GPR155: variants seen among roughly 807,000 people sequenced by gnomAD.
GPR155 encodes the protein lysosomal cholesterol signaling protein.
GPR155 carries 65 observed loss-of-function variants against 93.1 expected under a neutral mutation model. The observed-to-expected ratio is 0.70, with a 90% CI of 0.57 to 0.86. The LOEUF is 0.86. GPR155 is among the 40% of genes least tolerant of loss of function. The pLI is 0.00. For missense variants in GPR155, 838 were observed against 1,034.8 expected (o/e 0.81, Z 2.61); for synonymous variants, 319 against 360.1 (o/e 0.89, Z 1.29).
At chr2:174,459,137 T>C (rs1027529704) in intron 10 of GPR155, among the ~76,000 whole-genome samples, 7 of 152,072 alleles carry the variant, frequency 4.6e-5, no homozygotes, top group African/African-American at 1.7e-4. Context: ...TGGTGGACCA[T>C]ACAAAAACAG....
At chr2:174,437,466 T>C (rs1018410559) in intron 15 of GPR155, among the ~76,000 whole-genome samples, 13 of 152,168 alleles carry the variant, frequency 8.5e-5, no homozygotes, top group Non-Finnish European at 1.9e-4. Flanking sequence ...AGATAAGTTA[T>C]CTTAATTTAT....
chr2:174,462,404 G>A (rs578206324), intron 7 of GPR155, among the ~76,000 whole-genome samples: 33 of 152,138 alleles, frequency 2.2e-4, no homozygotes, highest in East Asian at 9.6e-4. Flanking sequence ...TCTGCCTCCC[G>A]GGTTCAAGCA....
Position 174,462,511 on chromosome 2 carries a change from G to A in GPR155, c.1385-839C>T, listed in dbSNP as rs1687728077. Among the ~76,000 whole-genome samples the A allele has an allele frequency of 2.0e-5, 3 of 152,280 alleles. No individual in the cohort carries two copies. The South Asian group carries it at 6.2e-4, about 32-fold the overall frequency. On this transcript the variant is annotated intron_variant, in intron 7 of 15. Transcript: ENST00000392552. The stretch of plus-strand genomic sequence containing the variant: ...TTTTAGTAGAGATGGGTTTCACCAT[G>A]TTGCCCATGCTGGTCTTGAACTGCT...
chr2:174,483,743 G>A (rs1349841768), intron 1 of GPR155, among the ~76,000 whole-genome samples: 1 of 151,950 alleles, frequency 6.6e-6, no homozygotes, highest in Non-Finnish European at 1.5e-5. Context: ...GCACCACCAT[G>A]CCTGGCTAAT....
chr2:174,470,108 C>T (rs1687949072), intron 4 of GPR155, among the ~76,000 whole-genome samples: 1 of 152,108 alleles, frequency 6.6e-6, no homozygotes, highest in African/African-American at 2.4e-5. Context: ...GTGGTCTGCC[C>T]ACCTCAGCCT....
At position 174,448,330 on chromosome 2, in the gene GPR155, G is replaced by A. The variant is rs748690488; in HGVS notation, c.1877-1583C>T. Among the ~76,000 whole-genome samples the A allele has an allele frequency of 1.0e-3, 153 of 152,172 alleles. 1 individual carries two copies. Among genetic ancestry groups the A allele is most frequent in the East Asian group, 1.7e-3 (9 of 5,156 alleles). On this transcript the variant is annotated intron_variant, in intron 11 of 15. Coordinates refer to ENST00000392552, the MANE Select transcript of GPR155 (RefSeq NM_152529.7). The stretch of plus-strand genomic sequence containing the variant: ...GCAGAGGTTACAGTGAGCCAACATC[G>A]TGCCATGGCACTCCAGCATGGGCAA...
intron 11 of GPR155, among the ~76,000 whole-genome samples, chr2:174,449,183 C>T (rs903448294): frequency 1.3e-5 from 2 of 152,066 alleles, no homozygotes; most frequent in Admixed American, 6.6e-5. Context: ...AATGAGATAC[C>T]GTCTTGCATC....
chr2:174,435,955 A>C lies in GPR155; in HGVS notation c.*161T>G. The C allele has an allele frequency of 1.6e-6, 1 of 607,378 alleles. No homozygotes were observed. Among genetic ancestry groups the C allele is most frequent in the South Asian group, 2.1e-5 (1 of 46,948 alleles). 37.6% of individuals were successfully genotyped at this position (607,378 alleles called of 1,614,324 possible). ...GTTTTACATACATGTAAAATCACAGACCCTGCGCATGTGGTGGGAGCACAT... is the reference window on the plus strand; with the variant it reads ...GTTTTACATACATGTAAAATCACAGCCCCTGCGCATGTGGTGGGAGCACAT... On this transcript the variant is annotated 3_prime_UTR_variant, in exon 16 of 16. Transcript: ENST00000392552.
rs139805062 is a variant in GPR155, at chr2:174,481,902, T to C, written c.55A>G (p.Thr19Ala). The C allele has an allele frequency of 3.7e-6, 6 of 1,614,164 alleles. No homozygotes were observed. The highest frequency in any genetic ancestry group is 5.1e-6 in the Non-Finnish European group (6 of 1,180,012). The change falls in exon 2 of 16, where the codon ACT (threonine) becomes GCT (alanine). Residue 19 changes from threonine (T) to alanine (A), a missense_variant. Physicochemically the swap from Thr to Ala is moderately conservative, Grantham distance 58. Around this residue, in one of 3 missense-constraint regions of GPR155, gnomAD observed 663 missense variants for 790.1 expected, o/e 0.84. Transcript: ENST00000392552. The part of the protein sequence containing the change: ...NLTIAVNMTK[T>A]LPTAVTHGFN... ...CCATGCGTTACTGCTGTAGGCAAAG[T>C]CTTGGTCATATTGACTGCAATGGTT...
rs1408887523 is a variant in GPR155, at chr2:174,433,839, A to G, written c.*2277T>C. ...GTTGTTTATAAGCTATCCAGTTTAT[A>G]TTTTGTTTTAGTAGCTAAAATATTA... On this transcript the variant is annotated 3_prime_UTR_variant, in exon 16 of 16. Transcript: ENST00000392552. 2 of 152,214 alleles carry G rather than the reference A, an allele frequency of 1.3e-5. No individual in the cohort carries two copies. Among genetic ancestry groups the G allele is most frequent in the Non-Finnish European group, 2.9e-5 (2 of 68,040 alleles). The allele number at this position is 152,214 out of a possible 1,614,324, so 9.4% of individuals were successfully genotyped here. A position where few individuals can be genotyped will look rare whatever the true frequency, so the allele number is the denominator to read the frequency against.
intron 14 of GPR155, among the ~76,000 whole-genome samples, 185 bp downstream of exon 14, chr2:174,441,934 G>C (rs1020378389): frequency 6.6e-6 from 1 of 151,172 alleles, no homozygotes; most frequent in African/African-American, 2.4e-5. Flanking sequence ...TTTTTGTAGA[G>C]ACTAGGTTTC....
rs16862584 is a variant in GPR155, at chr2:174,465,765, C to G, written c.1384+20G>C. Reference sequence around the variant, plus strand: ...TGGGGTGGGGAACAGATCTCAATTTCCATTCATAATCCAACTCACCTGTCC... The same window carrying G: ...TGGGGTGGGGAACAGATCTCAATTTGCATTCATAATCCAACTCACCTGTCC... On this transcript the variant is annotated intron_variant, in intron 7 of 15. Transcript: ENST00000392552. 1.7e-6 allele frequency: 2 copies of G among 1,155,784 alleles called. No homozygotes were observed. The highest frequency in any genetic ancestry group is 1.2e-5 in the South Asian group (1 of 80,996). The allele number at this position is 1,155,784 out of a possible 1,614,324, so 71.6% of individuals were successfully genotyped here.
At chr2:174,440,303 C>T (rs554234514) in intron 14 of GPR155, among the ~76,000 whole-genome samples, 6 of 152,142 alleles carry the variant, frequency 3.9e-5, no homozygotes, top group Admixed American at 1.3e-4. Flanking sequence ...ACCCTCCAGA[C>T]ATGTTTGATC....
At chr2:174,478,082 T>C (rs1443341100) in intron 2 of GPR155, among the ~76,000 whole-genome samples, 1 of 152,258 alleles carries the variant, frequency 6.6e-6, no homozygotes, top group Non-Finnish European at 1.5e-5. Flanking sequence ...AGGACTTAAC[T>C]ATGCTCTATT....
At chr2:174,450,389 T>C (rs1034026021) in intron 11 of GPR155, among the ~76,000 whole-genome samples, 1 of 152,166 alleles carries the variant, frequency 6.6e-6, no homozygotes, top group African/African-American at 2.4e-5. Context: ...ACCTGGGTGA[T>C]GGGATCATTT....
intron 2 of GPR155, among the ~76,000 whole-genome samples, chr2:174,480,859 T>G (rs921151722): frequency 1.4e-4 from 22 of 152,256 alleles, no homozygotes; most frequent in Middle Eastern, 3.4e-3. Context: ...AACCTCTGCC[T>G]CCTGGGCTCA....
intron 11 of GPR155, among the ~76,000 whole-genome samples, chr2:174,452,702 G>A (rs1248885630): frequency 2.6e-5 from 4 of 152,042 alleles, no homozygotes; most frequent in South Asian, 2.1e-4. Context: ...TTGCAGTGCA[G>A]TGGCGTGATC....
At position 174,473,192 on chromosome 2, in the gene GPR155, G is replaced by A. The variant is rs772615917; in HGVS notation, c.633C>T (p.Leu211=). 1.9e-6 allele frequency: 3 copies of A among 1,613,344 alleles called. No individual in the cohort carries two copies. The highest frequency in any genetic ancestry group is 2.5e-6 in the Non-Finnish European group (3 of 1,179,520). Residue 211 remains leucine (L), a synonymous_variant, in exon 3 of 16, where the codon CTC becomes CTT. Coordinates refer to ENST00000392552, the MANE Select transcript of GPR155 (RefSeq NM_152529.7). The part of the protein sequence containing the change: ...QNKIKIVGLG[L]LRVLQNPIVF... ...CTATTGGGTTCTGTAATACACGCAG[G>A]AGTCCGAGTCCCACAATTTTTATTT...
intron 14 of GPR155, among the ~76,000 whole-genome samples, chr2:174,441,302 G>A (rs997128616): frequency 1.3e-5 from 2 of 151,460 alleles, no homozygotes; most frequent in Non-Finnish European, 2.9e-5. Flanking sequence ...ATTTTCTTAG[G>A]TTTATAATTT....
Sources: allele counts gnomAD v4.1 joint callset (sites outside exome capture counted in the v4.1 genomes callset), GRCh38; gene constraint gnomAD v4.1.1; regional missense constraint gnomAD v4.1.1; transcripts MANE v1.5; gene names NCBI Gene and HGNC (gene_info 2026-07-23, HGNC 2026-07-21).